The following RAD54B variants were observed in gnomAD, a reference collection of about 807,000 sequenced individuals.
RAD54B encodes the protein DNA repair and recombination protein RAD54B.
RAD54B carries 78 observed loss-of-function variants against 95.8 expected under a neutral mutation model. The ratio of observed to expected loss-of-function variants is 0.81; its 90% CI spans 0.68 to 0.98. RAD54B has a LOEUF of 0.98. Ranked by LOEUF, RAD54B falls within the 50% of genes least tolerant of loss-of-function variation. RAD54B has a pLI of 0.00. For synonymous variants in RAD54B, 328 were observed against 354.9 expected, an observed-to-expected ratio of 0.92 and a Z score of 0.85; for missense variants, 957 against 1,056.6, an observed-to-expected ratio of 0.91 and a Z score of 1.31.
At chr8:94,414,131 C>T (rs544447557) in intron 3 of RAD54B, among the ~76,000 whole-genome samples, 1 of 152,166 alleles carries the variant, frequency 6.6e-6, no homozygotes, top group South Asian at 2.1e-4. Flanking sequence ...CCACTGCACC[C>T]AGCCTAAGAA....
intron 1 of RAD54B, among the ~76,000 whole-genome samples, chr8:94,469,594 TAA>T (rs1022193756): frequency 6.6e-6 from 1 of 152,220 alleles, no homozygotes; most frequent in Non-Finnish European, 1.5e-5. Context: ...GCAATTTAAA[TAA>T]AAATTTCAAA....
intron 3 of RAD54B, among the ~76,000 whole-genome samples, chr8:94,453,661 T>A (rs1180210121): frequency 1.3e-5 from 2 of 152,038 alleles, no homozygotes; most frequent in Non-Finnish European, 2.9e-5. Context: ...GAGAAAAAAA[T>A]ATATATGTAT....
intron 1 of RAD54B, among the ~76,000 whole-genome samples, chr8:94,473,958 G>A (rs919539164): frequency 6.6e-6 from 1 of 152,236 alleles, no homozygotes; most frequent in East Asian, 1.9e-4. Context: ...CCACACAACC[G>A]TCTGTGTTCA....
chr8:94,474,468 AC>A (rs1200732690), intron 1 of RAD54B, among the ~76,000 whole-genome samples: 1 of 152,202 alleles, frequency 6.6e-6, no homozygotes, highest in Admixed American at 6.5e-5. Context: ...GATATTTTCA[AC>A]CCCGTAGTAA....
intron 11 of RAD54B, among the ~76,000 whole-genome samples, chr8:94,385,299 CT>C (rs1810857960): frequency 6.6e-6 from 1 of 151,570 alleles, no homozygotes; most frequent in African/African-American, 2.4e-5. Context: ...ACTCTTTTCA[CT>C]CATTATCCTT....
intron 3 of RAD54B, among the ~76,000 whole-genome samples, chr8:94,434,520 T>C (rs1282094378): frequency 3.3e-5 from 5 of 151,888 alleles, no homozygotes; most frequent in African/African-American, 9.7e-5. Context: ...AAAACAGGTA[T>C]ATATTTTTAA....
intron 8 of RAD54B, among the ~76,000 whole-genome samples, chr8:94,398,378 C>T (rs759070932): frequency 6.6e-6 from 1 of 152,014 alleles, no homozygotes; most frequent in Non-Finnish European, 1.5e-5. Flanking sequence ...CTTCCCCACC[C>T]CAACACAGTA....
intron 3 of RAD54B, among the ~76,000 whole-genome samples, chr8:94,413,905 G>C (rs930057103): frequency 6.7e-6 from 1 of 148,728 alleles, no homozygotes; most frequent in South Asian, 2.1e-4. Flanking sequence ...GTGTGATCTC[G>C]GCTGACTGCA....
chr8:94,373,499 T>G (rs1278879921), intron 14 of RAD54B, among the ~76,000 whole-genome samples: 1 of 152,218 alleles, frequency 6.6e-6, no homozygotes, highest in African/African-American at 2.4e-5. Context: ...CTCTCACTGC[T>G]GGCTGGCAGA....
intron 3 of RAD54B, among the ~76,000 whole-genome samples, chr8:94,444,686 T>G (rs924010881): frequency 6.6e-6 from 1 of 152,222 alleles, no homozygotes; most frequent in African/African-American, 2.4e-5. Flanking sequence ...AGCTCCAGTC[T>G]GTCTGGAGAA....
intron 10 of RAD54B, among the ~76,000 whole-genome samples, chr8:94,388,785 A>G (rs1446101361): frequency 2.0e-5 from 3 of 152,252 alleles, no homozygotes; most frequent in Non-Finnish European, 4.4e-5. Context: ...TCACTGGGAC[A>G]TATGAGGAGA....
At chr8:94,453,464 G>A (rs2130166871) in intron 3 of RAD54B, among the ~76,000 whole-genome samples, 1 of 152,230 alleles carries the variant, frequency 6.6e-6, no homozygotes, top group East Asian at 1.9e-4. Context: ...CAGAGGCAGA[G>A]GTTGCAGTGA....
intron 5 of RAD54B, among the ~76,000 whole-genome samples, chr8:94,407,031 T>G (rs1213712416): frequency 6.6e-6 from 1 of 152,190 alleles, no homozygotes; most frequent in African/African-American, 2.4e-5. Context: ...TCAATATTTT[T>G]ACACACTAAT....
At chr8:94,391,570 C>T (rs761892503) in intron 10 of RAD54B, 39 bp downstream of exon 10, 19 of 1,585,992 alleles carry the variant, frequency 1.2e-5, no homozygotes, top group Non-Finnish European at 1.6e-5. Context: ...CTATAGAACC[C>T]TCATATCCCT....
At chr8:94,420,362 C>T (rs1811774307) in intron 3 of RAD54B, among the ~76,000 whole-genome samples, 1 of 148,742 alleles carries the variant, frequency 6.7e-6, no homozygotes, top group Non-Finnish European at 1.5e-5. Context: ...CTCAAGCGAT[C>T]CTCCCACCTC....
chr8:94,449,581 C>G (rs943548198), intron 3 of RAD54B, among the ~76,000 whole-genome samples: 8 of 150,150 alleles, frequency 5.3e-5, no homozygotes, highest in African/African-American at 2.0e-4. Context: ...TGCACTCCAG[C>G]CTGGGTGACA....
chr8:94,405,472 AC>A (rs1389099262), intron 5 of RAD54B, among the ~76,000 whole-genome samples: 2 of 152,214 alleles, frequency 1.3e-5, no homozygotes, highest in Non-Finnish European at 2.9e-5. Flanking sequence ...AGTCATGTTT[AC>A]CATTAACAAA....
chr8:94,410,791 A>C (rs1811508853), intron 4 of RAD54B, among the ~76,000 whole-genome samples: 1 of 152,170 alleles, frequency 6.6e-6, no homozygotes, highest in Admixed American at 6.5e-5. Flanking sequence ...AGCATTCTTA[A>C]AAAGAGAGAG....
At chr8:94,453,628 G>C (rs892636061) in intron 3 of RAD54B, among the ~76,000 whole-genome samples, 5 of 152,130 alleles carry the variant, frequency 3.3e-5, no homozygotes, top group Non-Finnish European at 7.4e-5. Flanking sequence ...GAACAAGGAA[G>C]CTAGTGAACA....
Sources: gnomAD v4.1 joint callset for allele counts (sites outside exome capture counted in the v4.1 genomes callset) on GRCh38, gnomAD v4.1.1 for gene constraint, MANE v1.5 for transcripts, NCBI Gene and HGNC (gene_info 2026-07-23, HGNC 2026-07-21) for gene names.